Variants in AHNAK2 observed in about 807,000 individuals in gnomAD.
The protein encoded by AHNAK2 is AHNAK nucleoprotein 2.
In AHNAK2, 18 loss-of-function variants were observed where a neutral mutation model predicts 30.7. The observed-to-expected ratio is 0.59, with a 90% CI of 0.41 to 0.87. The LOEUF is 0.87. AHNAK2 is among the 40% of genes least tolerant of loss of function. The pLI is 0.00. For missense variants in AHNAK2, 8,604 were observed against 7,373.0 expected (o/e 1.17, Z -6.11); for synonymous variants, 3,590 against 3,073.8 (o/e 1.17, Z -5.56).
chr14:104,938,695 G>A lies in AHNAK2; in HGVS notation c.16756C>T (p.Gln5586Ter). Reference protein sequence around the residue: ...MISSSVNVLGQQTLTFEVPSG... With the variant: ...MISSSVNVLG Reference sequence around the variant, plus strand: ...GGAACTTCAAATGTGAGTGTTTGCTGTCCCAGTACATTGACGCTGGAAGAG... The same window carrying A: ...GGAACTTCAAATGTGAGTGTTTGCTATCCCAGTACATTGACGCTGGAAGAG... The change falls in exon 7 of 7, where the codon CAG becomes TAG. Residue 5586 changes from glutamine to a stop codon, truncating the protein, a stop_gained. Transcript: ENST00000333244. LOFTEE classifies it low-confidence loss of function (END_TRUNC). The A allele has an allele frequency of 1.2e-6, 2 of 1,613,076 alleles. No individual in the cohort carries two copies. Among genetic ancestry groups the A allele is most frequent in the Non-Finnish European group, 1.7e-6 (2 of 1,179,548 alleles).
In AHNAK2 at chr14:104,949,251, A is replaced by T. The variant is rs751041729; in HGVS notation, c.6200T>A (p.Leu2067His). Residue 2067 changes from leucine (L) to histidine (H), a missense_variant, in exon 7 of 7, where the codon CTC (leucine) becomes CAC (histidine). By Grantham distance (99) the Leu-to-His change is moderately conservative. Coordinates refer to ENST00000333244, the MANE Select transcript of AHNAK2 (RefSeq NM_138420.4). The stretch of plus-strand genomic sequence containing the variant: ...CTCCACCTTGGGCAGGTGCCCTTTG[A>T]GGCCAGCTCCCTCGGGCACGTGGCC... The part of the protein sequence containing the change: ...PEGHVPEGAG[L>H]KGHLPKVEMP... The T allele has an allele frequency of 1.5e-5, 16 of 1,068,132 alleles. 1 individual carries two copies. The East Asian group carries it at 3.6e-4, about 24-fold the overall frequency. 66.2% of individuals were successfully genotyped at this position (1,068,132 alleles called of 1,614,324 possible). A position where few individuals can be genotyped will look rare whatever the true frequency, so the allele number is the denominator to read the frequency against.
At position 104,940,839 on chromosome 14, in the gene AHNAK2, A is replaced by G; in HGVS notation, c.14612T>C (p.Val4871Ala). ...SFPKFYKPKF[V>A]FSVPQMAVPE... ...AACTGCCATTTGGGGGACTGAAAAC[A>G]CAAACTTTGGTTTATAGAATTTAGG... is the stretch of plus-strand genomic sequence containing the variant. The change falls in exon 7 of 7, where the codon GTG (valine) becomes GCG (alanine). Residue 4871 changes from valine (V) to alanine (A), a missense_variant. Val to Ala is a moderately conservative substitution (Grantham distance 64). Coordinates refer to ENST00000333244, the MANE Select transcript of AHNAK2 (RefSeq NM_138420.4). This position sits in a 1 kb window ranked among gnomAD's most constrained non-coding sequence, Gnocchi z 4.4. 1 of 1,613,160 alleles carries G rather than the reference A, an allele frequency of 6.2e-7. No homozygotes were observed. Among genetic ancestry groups the G allele is most frequent in the Non-Finnish European group, 8.5e-7 (1 of 1,179,882 alleles).
In AHNAK2 at chr14:104,943,639, C is replaced by A. The variant is rs776652802; in HGVS notation, c.11812G>T (p.Val3938Phe). The change falls in exon 7 of 7, where the codon GTC becomes TTC. Residue 3938 changes from valine (V) to phenylalanine (F), a missense_variant. Val to Phe is a conservative substitution (Grantham distance 50, BLOSUM62 -1). Transcript: ENST00000333244. ...EVSLPSVEVD[V>F]EAPGAKLDGA... ...TCCAGCTTGGCTCCTGGGGCCTCGACGTCCACCTCCACGCTGGGCAGAGAA... is the reference window on the plus strand; with the variant it reads ...TCCAGCTTGGCTCCTGGGGCCTCGAAGTCCACCTCCACGCTGGGCAGAGAA... 6.8e-6 allele frequency: 11 copies of A among 1,613,298 alleles called. No individual in the cohort carries two copies. Among genetic ancestry groups the A allele is most frequent in the South Asian group, 2.2e-5 (2 of 91,062 alleles).
At chr14:104,959,195 C>T (rs1288598096) in intron 1 of AHNAK2, among the ~76,000 whole-genome samples, 1 of 151,970 alleles carries the variant, frequency 6.6e-6, no homozygotes, top group Non-Finnish European at 1.5e-5. Context: ...TTTTTTGAGA[C>T]GGAGTCTCAC....
chr14:104,950,197 G>C lies in AHNAK2; in HGVS notation c.5254C>G (p.Pro1752Ala), dbSNP rs1381129168. The C allele has an allele frequency of 6.3e-7, 1 of 1,585,844 alleles. No homozygotes were observed. Among genetic ancestry groups the C allele is most frequent in the Non-Finnish European group, 8.6e-7 (1 of 1,162,854 alleles). ...TGGGGGCCCTTGAGGGCCACTTTGG[G>C]CATCTTCAAACTGGGCATCTGCACC... ...PKVQMPSLKM[P>A]KVALKGPQMD... is the part of the protein sequence containing the mutation. The change falls in exon 7 of 7, where the codon CCC becomes GCC. Residue 1752 changes from proline to alanine, a missense_variant. By Grantham distance (27) the Pro-to-Ala change is conservative. Coordinates refer to ENST00000333244, the MANE Select transcript of AHNAK2 (RefSeq NM_138420.4).
chr14:104,961,159 T>C (rs1899124416), intron 1 of AHNAK2, among the ~76,000 whole-genome samples: 1 of 150,770 alleles, frequency 6.6e-6, no homozygotes, highest in African/African-American at 2.4e-5. Context: ...AAATAAAATG[T>C]ATCTTAGAAT....
chr14:104,955,916 A>T (rs193273189), intron 4 of AHNAK2, among the ~76,000 whole-genome samples: 14 of 152,406 alleles, frequency 9.2e-5, no homozygotes, highest in Admixed American at 9.1e-4. Flanking sequence ...CACCAGGAGC[A>T]GCGCAGAACG....
In AHNAK2 at chr14:104,951,862, C is replaced by A. The variant is rs201140610; in HGVS notation, c.3589G>T (p.Val1197Leu). The A allele has an allele frequency of 1.1e-5, 17 of 1,603,220 alleles. No individual in the cohort carries two copies. The African/African-American group carries it at 1.9e-4, about 18-fold the overall frequency. The change falls in exon 7 of 7, where the codon GTG becomes TTG. Residue 1197 changes from valine (V) to leucine (L), a missense_variant. Transcript: ENST00000333244. ...TCCCCCTGCATGGAGGGGAGACTCACGTCGGCCTCCACTTTGGGTGCAGAC... is the reference window on the plus strand; with the variant it reads ...TCCCCCTGCATGGAGGGGAGACTCAAGTCGGCCTCCACTTTGGGTGCAGAC... ...DVSAPKVEAD[V>L]SLPSMQGDLK...
rs201185400 is a variant in AHNAK2 at position 104,943,113 on chromosome 14, A to G, written c.12338T>C (p.Val4113Ala). 1.1e-4 allele frequency: 171 copies of G among 1,605,100 alleles called. 2 individuals are homozygous for G. The highest frequency in any genetic ancestry group is 9.4e-4 in the African/African-American group (68 of 72,718). Residue 4113 changes from valine (V) to alanine (A), a missense_variant, in exon 7 of 7, where the codon GTG (valine) becomes GCG (alanine). By Grantham distance (64) the Val-to-Ala change is moderately conservative. Coordinates refer to ENST00000333244, the MANE Select transcript of AHNAK2 (RefSeq NM_138420.4). ...CAGGGACAGGTCCCCCTCCAGCTGC[A>G]CACCATCCAGCTTTGCTCTCGGGGC... ...VQAPRAKLDG[V>A]QLEGDLSLAD...
rs1400055628 is a variant in AHNAK2, at chr14:104,939,579, T to G, written c.15872A>C (p.Glu5291Ala). The change falls in exon 7 of 7, where the codon GAG (glutamate) becomes GCG (alanine). Residue 5291 changes from glutamate (E) to alanine (A), a missense_variant. Physicochemically the swap from Glu to Ala is moderately radical, Grantham distance 107. Transcript: ENST00000333244. ...GATCCTGACCTCAGAAGTGGAAAGC[T>G]CATCCCCAGTCATCCCAGCAGTGGA... ...HLSTAGMTGDELSTSEVRIHP... is the reference protein window; with the variant it reads ...HLSTAGMTGDALSTSEVRIHP... The G allele has an allele frequency of 6.2e-7, 1 of 1,613,646 alleles. No homozygotes were observed. Among genetic ancestry groups the G allele is most frequent in the Non-Finnish European group, 8.5e-7 (1 of 1,179,858 alleles).
rs200734600 is a variant in AHNAK2 at position 104,948,147 on chromosome 14, G to A, written c.7304C>T (p.Thr2435Met). Residue 2435 changes from threonine to methionine, a missense_variant, in exon 7 of 7, where the codon ACG becomes ATG. By Grantham distance (81) the Thr-to-Met change is moderately conservative. Coordinates refer to ENST00000333244, the MANE Select transcript of AHNAK2 (RefSeq NM_138420.4). ...GPKLDLKGPK[T>M]DVMAPDVEVS... Reference sequence around the variant, plus strand: ...CTCCACGTCGGGGGCCATCACGTCCGTCTTGGGGCCTTTCAGGTCCAGCTT... The same window carrying A: ...CTCCACGTCGGGGGCCATCACGTCCATCTTGGGGCCTTTCAGGTCCAGCTT... 1.4e-4 allele frequency: 222 copies of A among 1,610,860 alleles called. 4 individuals carry two copies. The African/African-American group carries it at 2.2e-3, about 16-fold the overall frequency.
rs1898110003 is a variant in AHNAK2 at position 104,943,776 on chromosome 14, G to A, written c.11675C>T (p.Pro3892Leu). ...GTCGACTTTGGGCATCTTGAAACTG[G>A]GCATCTGCACCTTGGGCAGGTGTCC... ...LKGHLPKVQM[P>L]SFKMPKVDLK... The change falls in exon 7 of 7, where the codon CCC becomes CTC. Residue 3892 changes from proline (P) to leucine (L), a missense_variant. By Grantham distance (98) the Pro-to-Leu change is moderately conservative (BLOSUM62 -3). Transcript: ENST00000333244. 1.2e-6 allele frequency: 2 copies of A among 1,612,890 alleles called. No homozygotes were observed. The highest frequency in any genetic ancestry group is 1.7e-6 in the Non-Finnish European group (2 of 1,179,504).
intron 1 of AHNAK2, among the ~76,000 whole-genome samples, chr14:104,976,050 T>C (rs1260438592): frequency 6.6e-6 from 1 of 152,054 alleles, no homozygotes; most frequent in African/African-American, 2.4e-5. Flanking sequence ...TGGTGCTTTC[T>C]TGGGGGGTCG....
At chr14:104,956,721 TGCCCCA>T (rs886896880) in intron 3 of AHNAK2, 32 bp from the exon 4 acceptor site, 4 of 1,606,242 alleles carry the variant, frequency 2.5e-6, no homozygotes, top group Middle Eastern at 1.7e-4. Context: ...GTTAGGCACC[TGCCCCA>T]GCTCAGGGAC....
rs753655834 is a variant in AHNAK2 at position 104,943,680 on chromosome 14, G to T, written c.11771C>A (p.Ala3924Asp). 1.2e-6 allele frequency: 2 copies of T among 1,613,320 alleles called. No homozygotes were observed. Among genetic ancestry groups the T allele is most frequent in the African/African-American group, 2.7e-5 (2 of 74,846 alleles). The change falls in exon 7 of 7, where the codon GCC (alanine) becomes GAC (aspartate). Residue 3924 changes from alanine (A) to aspartate (D), a missense_variant. Transcript: ENST00000333244. ...GGGCAGAGAAACCTCCACATCAGGG[G>T]CTGTCACTTCCACCTTGGGGTCTTT... is the stretch of plus-strand genomic sequence containing the variant. ...DLKDPKVEVT[A>D]PDVEVSLPSV...
In AHNAK2 at chr14:104,946,424, C is replaced by T. The variant is rs771780782; in HGVS notation, c.9027G>A (p.Glu3009=). ...VSVDVSAPKV[E]AEVSLPSMQG... Reference sequence around the variant, plus strand: ...GCATGGAGGGGAGGCTCACTTCGGCCTCCACCTTCGGCGCAGACACATCCA... The same window carrying T: ...GCATGGAGGGGAGGCTCACTTCGGCTTCCACCTTCGGCGCAGACACATCCA... Residue 3009 remains glutamate, a synonymous_variant, in exon 7 of 7, where the codon GAG becomes GAA. Transcript: ENST00000333244. The T allele has an allele frequency of 1.7e-4, 279 of 1,611,964 alleles. 2 individuals carry two copies. In the African/African-American group the frequency reaches 3.2e-3, roughly 18 times the overall value.
Position 104,942,781 on chromosome 14 carries a change from A to G in AHNAK2, c.12670T>C (p.Leu4224=). The G allele has an allele frequency of 1.2e-6, 2 of 1,612,618 alleles. No homozygotes were observed. Among genetic ancestry groups the G allele is most frequent in the South Asian group, 2.2e-5 (2 of 91,014 alleles). ...GHLPKVQMPC[L]KMPKVALKGP... ...TTGAGGGCCACTTTGGGCATCTTCA[A>G]ACAGGGCATCTGCACCTTGGGGAGG... Residue 4224 remains leucine, a synonymous_variant, in exon 7 of 7, where the codon TTG becomes CTG. Transcript: ENST00000333244.
In AHNAK2 at chr14:104,954,377, C is replaced by T. The variant is rs1189158911; in HGVS notation, c.1074G>A (p.Glu358=). Reference sequence around the variant, plus strand: ...CGAGGCTATCACCCCAGGGCCCCAACTCTTCCAGGACCCCAGCACGGCCCA... The same window carrying T: ...CGAGGCTATCACCCCAGGGCCCCAATTCTTCCAGGACCCCAGCACGGCCCA... The part of the protein sequence containing the change: ...SGVGRAGVLE[E]LGPWGDSLEE... Residue 358 remains glutamate (E), a synonymous_variant, in exon 7 of 7, where the codon GAG becomes GAA. Coordinates refer to ENST00000333244, the MANE Select transcript of AHNAK2 (RefSeq NM_138420.4). This position sits in a 1 kb window ranked among gnomAD's most constrained non-coding sequence, Gnocchi z 4.3. 1.2e-6 allele frequency: 2 copies of T among 1,613,376 alleles called. No homozygotes were observed. The highest frequency in any genetic ancestry group is 1.7e-5 in the Admixed American group (1 of 60,028).
chr14:104,946,562 G>C lies in AHNAK2; in HGVS notation c.8889C>G (p.Asp2963Glu). Residue 2963 changes from aspartate (D) to glutamate (E), a missense_variant, in exon 7 of 7, where the codon GAC becomes GAG. Coordinates refer to ENST00000333244, the MANE Select transcript of AHNAK2 (RefSeq NM_138420.4). The stretch of plus-strand genomic sequence containing the variant: ...TCACATCCTTGTCGGCCAGGGACAG[G>C]TCACCCTCCAGCCGTGCACCATCCA... Reference protein sequence around the residue: ...AKLDGARLEGDLSLADKDVTA... With the variant: ...AKLDGARLEGELSLADKDVTA... 6.2e-7 allele frequency: 1 copy of C among 1,612,594 alleles called. No individual in the cohort carries two copies. The highest frequency in any genetic ancestry group is 8.5e-7 in the Non-Finnish European group (1 of 1,179,588).
Sources: allele counts gnomAD v4.1 joint callset (sites outside exome capture counted in the v4.1 genomes callset), GRCh38; gene constraint gnomAD v4.1.1; non-coding constraint Gnocchi (gnomAD v3.1); transcripts MANE v1.5; gene names NCBI Gene and HGNC (gene_info 2026-07-23, HGNC 2026-07-21).